PRKAG2: variants seen among roughly 807,000 people sequenced by gnomAD.
PRKAG2 encodes the protein protein kinase AMP-activated non-catalytic subunit gamma 2.
PRKAG2 carries 26 observed loss-of-function variants against 69.6 expected under a neutral mutation model. The ratio of observed to expected loss-of-function variants is 0.37; its 90% CI spans 0.27 to 0.52. PRKAG2 has a LOEUF of 0.52. Ranked by LOEUF, PRKAG2 falls within the 20% of genes least tolerant of loss-of-function variation. The pLI, the probability that PRKAG2 is intolerant of heterozygous loss-of-function variation, is 0.90. For synonymous variants in PRKAG2, 293 were observed against 285.0 expected (o/e 1.03, Z -0.28); for missense variants, 557 against 740.0 (o/e 0.75, Z 2.87).
At chr7:151,848,263 T>A (rs937366071) in intron 1 of PRKAG2, among the ~76,000 whole-genome samples, 2 of 152,040 alleles carry the variant, frequency 1.3e-5, no homozygotes, top group African/African-American at 2.4e-5. Flanking sequence ...CAGAAATGGG[T>A]TACTACTCTT....
intron 4 of PRKAG2, among the ~76,000 whole-genome samples, chr7:151,658,186 TAA>T (rs1829759520): frequency 6.9e-6 from 1 of 145,740 alleles, no homozygotes; most frequent in African/African-American, 2.6e-5. Context: ...AATAAATAAA[TAA>T]ATAAATAAGA....
At chr7:151,718,612 C>CA (rs35143182) in intron 3 of PRKAG2, among the ~76,000 whole-genome samples, 6,745 of 74,232 alleles carry the variant, frequency 0.091, 225 homozygotes, top group Middle Eastern at 0.19. Context: ...CCCCAGGATG[C>CA]AAAAAAAAAA....
chr7:151,597,335 T>G (rs531519833), intron 5 of PRKAG2, among the ~76,000 whole-genome samples: 90 of 152,158 alleles, frequency 5.9e-4, no homozygotes, highest in African/African-American at 2.1e-3. Context: ...GAAGAAAACA[T>G]AGGGGAAATG....
At chr7:151,737,370 C>T (rs1053389366) in intron 3 of PRKAG2, among the ~76,000 whole-genome samples, 2 of 147,750 alleles carry the variant, frequency 1.4e-5, no homozygotes, top group Middle Eastern at 7.0e-3. Context: ...GAGATTTAGC[C>T]TAGTTCCAAC....
intron 3 of PRKAG2, among the ~76,000 whole-genome samples, chr7:151,744,364 G>A (rs1190613930): frequency 3.3e-5 from 5 of 152,126 alleles, no homozygotes; most frequent in Non-Finnish European, 7.4e-5. Context: ...CTGGTGAATG[G>A]GACTCTGGGT....
intron 3 of PRKAG2, among the ~76,000 whole-genome samples, chr7:151,768,357 T>A (rs952341330): frequency 7.9e-5 from 12 of 152,238 alleles, no homozygotes; most frequent in Non-Finnish European, 1.5e-5. Flanking sequence ...ACGCCTGCAA[T>A]GACCCCACCA....
At chr7:151,744,935 C>T (rs565821635) in intron 3 of PRKAG2, among the ~76,000 whole-genome samples, 22 of 152,346 alleles carry the variant, frequency 1.4e-4, no homozygotes, top group African/African-American at 4.8e-4. Context: ...GGGAGGCCAG[C>T]CATGACTATT....
intron 1 of PRKAG2, among the ~76,000 whole-genome samples, chr7:151,792,998 A>G (rs972832310): frequency 1.3e-5 from 2 of 152,234 alleles, no homozygotes; most frequent in African/African-American, 2.4e-5. Flanking sequence ...AATCTTGGAC[A>G]TATCCGGACT....
intron 2 of PRKAG2, among the ~76,000 whole-genome samples, chr7:151,782,346 AGGGAGGGAG>A (rs1563663026): frequency 7.4e-4 from 19 of 25,550 alleles, no homozygotes; most frequent in African/African-American, 2.1e-3. Flanking sequence ...GGAAGGAGGG[AGGGAGGGAG>A]GGAGGGAGGG....
At chr7:151,574,819 C>T in intron 8 of PRKAG2, 72 bp downstream of exon 8, 9 of 1,581,690 alleles carry the variant, frequency 5.7e-6, no homozygotes, top group South Asian at 2.4e-5. Flanking sequence ...TCTTAAAATA[C>T]ACACATATAC....
At chr7:151,750,716 C>T (rs2074610556) in intron 3 of PRKAG2, among the ~76,000 whole-genome samples, 2 of 152,014 alleles carry the variant, frequency 1.3e-5, no homozygotes, top group African/African-American at 4.8e-5. Context: ...GAGTTATATA[C>T]TTTAACACTG....
chr7:151,786,586 G>T (rs760636126), intron 1 of PRKAG2, 45 bp from the exon 2 acceptor site: 10 of 1,519,846 alleles, frequency 6.6e-6, no homozygotes, highest in Non-Finnish European at 8.2e-6. Flanking sequence ...TGGCCCTCGG[G>T]CCCAGGGGCT....
intron 9 of PRKAG2, chr7:151,572,445 G>A: frequency 2.6e-6 from 1 of 390,314 alleles, no homozygotes; most frequent in South Asian, 4.3e-5. Flanking sequence ...CTTGCCTGCT[G>A]AAGGTGTCCT....
chr7:151,687,215 C>T (rs1310691632), intron 3 of PRKAG2, among the ~76,000 whole-genome samples: 2 of 152,204 alleles, frequency 1.3e-5, no homozygotes, highest in Admixed American at 1.3e-4. Context: ...TCCTTCTTCA[C>T]GCTTGCTTGG....
chr7:151,874,034 T>C (rs955284908), intron 1 of PRKAG2, among the ~76,000 whole-genome samples: 7 of 148,772 alleles, frequency 4.7e-5, no homozygotes, highest in African/African-American at 1.5e-4. Flanking sequence ...GATGTATATG[T>C]ATATGATGTA....
intron 3 of PRKAG2, among the ~76,000 whole-genome samples, chr7:151,713,764 G>A (rs1795696599): frequency 6.6e-6 from 1 of 151,914 alleles, no homozygotes; most frequent in Non-Finnish European, 1.5e-5. Context: ...ATGTTTCATA[G>A]AGAAGGGGTC....
chr7:151,580,218 G>A (rs925459267), intron 6 of PRKAG2, among the ~76,000 whole-genome samples: 25 of 152,214 alleles, frequency 1.6e-4, no homozygotes, highest in East Asian at 5.8e-4. Context: ...GTGGTGGTGC[G>A]CACCTGTGAT....
rs397517263 is a variant in PRKAG2 at position 151,786,533 on chromosome 7, G to A, written c.123C>T (p.Ser41=). The change falls in exon 2 of 16, where the codon AGC becomes AGT. Residue 41 remains serine (S), a synonymous_variant. Transcript: ENST00000287878. ...CGTCCAGGAGCGGCATGGCGAAGGA[G>A]CTCAGGTCCTAGGGTGGACAGAGAG... The part of the protein sequence containing the change: ...RSLRVHIPDL[S]SFAMPLLDGD... The A allele has an allele frequency of 1.6e-4, 250 of 1,612,584 alleles. 1 individual carries two copies. In the Middle Eastern group the frequency reaches 5.3e-3, roughly 34 times the overall value.
At chr7:151,800,871 A>T (rs548714514) in intron 1 of PRKAG2, among the ~76,000 whole-genome samples, 1 of 152,182 alleles carries the variant, frequency 6.6e-6, no homozygotes, top group Non-Finnish European at 1.5e-5. Context: ...CAGAAGCTCA[A>T]TGGTAACAGA....
Sources: gnomAD v4.1 joint callset for allele counts (sites outside exome capture counted in the v4.1 genomes callset) on GRCh38, gnomAD v4.1.1 for gene constraint, MANE v1.5 for transcripts, NCBI Gene and HGNC (gene_info 2026-07-23, HGNC 2026-07-21) for gene names.